The following FGF13 variants were observed in gnomAD, a reference collection of about 807,000 sequenced individuals.
FGF13 encodes fibroblast growth factor 13, also known as fibroblast growth factor homologous factor 2.
In FGF13, 2 loss-of-function variants were observed where a neutral mutation model predicts 19.5. The ratio of observed to expected loss-of-function variants is 0.10; its 90% CI spans 0.04 to 0.32. The LOEUF (loss-of-function observed/expected upper bound fraction) is 0.32, where lower values mean the gene tolerates loss of function less well. Ranked by LOEUF, FGF13 falls within the 10% of genes least tolerant of loss-of-function variation. The pLI is 1.00. For synonymous variants in FGF13, 72 were observed against 76.9 expected, an observed-to-expected ratio of 0.94 and a Z score of 0.33; for missense variants, 113 against 192.7, an observed-to-expected ratio of 0.59 and a Z score of 2.45.
intron 1 of FGF13, among the ~76,000 whole-genome samples, chrX:139,174,128 T>C (rs1245885524): frequency 1.8e-5 from 2 of 112,703 alleles, no homozygotes; most frequent in African/African-American, 3.2e-5. Context: ...ATTGTGGTTT[T>C]GATTTGCATT....
At chrX:138,795,212 G>C (rs1298340878) in intron 3 of FGF13, among the ~76,000 whole-genome samples, 1 of 111,977 alleles carries the variant, frequency 8.9e-6, no homozygotes, top group Admixed American at 9.5e-5. Context: ...TTATTGACCA[G>C]CTAAAAATAT....
chrX:138,620,430 A>G lies in FGF13; in HGVS notation c.*12420T>C, dbSNP rs1249890244. The G allele has an allele frequency of 1.8e-5, 2 of 111,016 alleles. No homozygotes were observed. The highest frequency in any genetic ancestry group is 3.8e-5 in the Non-Finnish European group (2 of 53,023). The allele number at this position is 111,016 out of a possible 1,213,427, so 9.1% of individuals were successfully genotyped here. On this transcript the variant is annotated 3_prime_UTR_variant, in exon 5 of 5. Transcript: ENST00000315930. ...AAACCACCATGGCACATGTTTACCT[A>G]TGTAACAAACCTGCATATCCTGCAC... is the stretch of plus-strand genomic sequence containing the variant.
At chrX:138,640,791 G>GT (rs1287458298) in intron 3 of FGF13, among the ~76,000 whole-genome samples, 1 of 111,569 alleles carries the variant, frequency 9.0e-6, no homozygotes, top group Non-Finnish European at 1.9e-5. Context: ...TTAATAACAG[G>GT]TTTTTCATAC....
chrX:138,688,637 T>G (rs2089809398), intron 3 of FGF13, among the ~76,000 whole-genome samples: 1 of 110,641 alleles, frequency 9.0e-6, no homozygotes, highest in Non-Finnish European at 1.9e-5. Flanking sequence ...AAAAAAAACC[T>G]ACCCCAGTAA....
intron 1 of FGF13, among the ~76,000 whole-genome samples, chrX:139,127,570 A>T (rs1475794553): frequency 9.0e-6 from 1 of 111,542 alleles, no homozygotes; most frequent in Non-Finnish European, 1.9e-5. Context: ...AACTTTTTTC[A>T]TGTATGGCAC....
At chrX:138,819,995 T>C (rs1335594908) in intron 3 of FGF13, among the ~76,000 whole-genome samples, 4 of 111,531 alleles carry the variant, frequency 3.6e-5, no homozygotes, top group Non-Finnish European at 7.5e-5. Context: ...TTCCATTATG[T>C]AATTGTGTAT....
intron 3 of FGF13, among the ~76,000 whole-genome samples, chrX:138,846,185 TTGTGTGTGTGTGTGTGTGTGTG>T (rs200911113): frequency 3.1e-5 from 3 of 96,626 alleles, no homozygotes; most frequent in Admixed American, 2.3e-4. Context: ...ATGTGTCCAT[TTGTGTGTGTGTGTGTGTGTGTG>T]TGTGTGTGTG....
chrX:138,840,947 G>A (rs1280304174), intron 3 of FGF13, among the ~76,000 whole-genome samples: 1 of 111,249 alleles, frequency 9.0e-6, no homozygotes, highest in Non-Finnish European at 1.9e-5. Flanking sequence ...GGCACTAAAA[G>A]GAAGAGTTAA....
chrX:139,171,181 C>T lies in FGF13; in HGVS notation c.-113+32235G>A, dbSNP rs189570375. ...AGAACCTAGCAAGTAAGGTTGTGCC[C>T]TATTCATCTTAGTGTCCCCAGAGCT... On this transcript the variant is annotated intron_variant, in intron 1 of 2. Transcript: ENST00000421460. Among the ~76,000 whole-genome samples, 4 of 108,064 alleles carry T rather than the reference C, an allele frequency of 3.7e-5. No individual in the cohort carries two copies. The East Asian group carries it at 1.1e-3, about 31-fold the overall frequency. The allele number at this position is 108,064 out of a possible 115,157, so 93.8% of individuals were successfully genotyped here. A position where few individuals can be genotyped will look rare whatever the true frequency, so the allele number is the denominator to read the frequency against.
chrX:138,886,397 G>A (rs1288145634), intron 1 of FGF13, among the ~76,000 whole-genome samples: 3 of 112,057 alleles, frequency 2.7e-5, no homozygotes, highest in African/African-American at 6.5e-5. Context: ...CAATACTTAC[G>A]GAGTCAGTCT....
At chrX:139,098,378 C>A (rs2083485124) in intron 1 of FGF13, among the ~76,000 whole-genome samples, 1 of 111,500 alleles carries the variant, frequency 9.0e-6, no homozygotes, top group Admixed American at 9.6e-5. Flanking sequence ...TGGGTATATA[C>A]CCAAGGAAAA....
chrX:138,695,596 A>G (rs2089888112), intron 3 of FGF13, among the ~76,000 whole-genome samples: 1 of 111,871 alleles, frequency 8.9e-6, no homozygotes, highest in Admixed American at 9.5e-5. Context: ...GTGGGAAAGA[A>G]AGAACAAATG....
At chrX:138,878,694 AT>A (rs202188645) in intron 1 of FGF13, among the ~76,000 whole-genome samples, 6,064 of 109,369 alleles carry the variant, frequency 0.055, 451 homozygotes, top group African/African-American at 0.19. Flanking sequence ...GTCAAATGGT[AT>A]TTCTAGTTCT....
At chrX:138,997,852 G>A (rs1012586066) in intron 1 of FGF13, among the ~76,000 whole-genome samples, 2 of 95,070 alleles carry the variant, frequency 2.1e-5, no homozygotes, top group African/African-American at 3.8e-5. Flanking sequence ...GATATTCCTC[G>A]AGAAGAGCAA....
intron 1 of FGF13, among the ~76,000 whole-genome samples, chrX:138,733,774 A>G (rs1449032408): frequency 9.0e-6 from 1 of 111,087 alleles, no homozygotes; most frequent in African/African-American, 3.3e-5. Flanking sequence ...CAGTCTAACC[A>G]GTAGGGTGGT....
intron 1 of FGF13, among the ~76,000 whole-genome samples, chrX:138,732,680 G>T (rs2090241387): frequency 9.0e-6 from 1 of 110,983 alleles, no homozygotes; most frequent in Non-Finnish European, 1.9e-5. Flanking sequence ...GCACGAGTAT[G>T]TGTATTTTGA....
intron 1 of FGF13, among the ~76,000 whole-genome samples, chrX:139,202,219 T>C (rs781197836): frequency 1.5e-4 from 17 of 111,747 alleles, no homozygotes; most frequent in Admixed American, 2.8e-4. Flanking sequence ...AAACCTGAAG[T>C]AACCACCTGA....
At chrX:139,101,323 T>C (rs950972624) in intron 1 of FGF13, among the ~76,000 whole-genome samples, 2 of 112,504 alleles carry the variant, frequency 1.8e-5, no homozygotes, top group African/African-American at 3.2e-5. Flanking sequence ...TACTTTTTAA[T>C]CATCCTTGAA....
intron 3 of FGF13, among the ~76,000 whole-genome samples, chrX:138,775,478 T>C (rs1417750385): frequency 8.9e-6 from 1 of 112,043 alleles, no homozygotes; most frequent in Non-Finnish European, 1.9e-5. Context: ...TTTAAAGGTC[T>C]CCAAATCGCA....
Sources: allele counts gnomAD v4.1 joint callset (sites outside exome capture counted in the v4.1 genomes callset), GRCh38; gene constraint gnomAD v4.1.1; transcripts MANE v1.5; gene names NCBI Gene and HGNC (gene_info 2026-07-23, HGNC 2026-07-21).